The following ST6GAL1 variants were observed in gnomAD, a reference collection of about 807,000 sequenced individuals.
ST6GAL1 encodes the protein beta-galactoside alpha-2,6-sialyltransferase 1.
ST6GAL1 carries 20 observed loss-of-function variants against 38.0 expected under a neutral mutation model. The ratio of observed to expected loss-of-function variants is 0.53; its 90% CI spans 0.37 to 0.77. The LOEUF (loss-of-function observed/expected upper bound fraction) is 0.77, where lower values mean the gene tolerates loss of function less well. Among genes scored for constraint, ST6GAL1 ranks in the 30% least tolerant of loss-of-function variants. The pLI is 0.00. For synonymous variants in ST6GAL1, 196 were observed against 188.2 expected (o/e 1.04, Z -0.34); for missense variants, 432 against 496.4 (o/e 0.87, Z 1.23).
chr3:187,045,234 C>G (rs1378608742), intron 4 of ST6GAL1, among the ~76,000 whole-genome samples: 1 of 151,682 alleles, frequency 6.6e-6, no homozygotes, highest in Non-Finnish European at 1.5e-5. Flanking sequence ...TGACATTCAA[C>G]AGGGAAATAT....
intron 5 of ST6GAL1, among the ~76,000 whole-genome samples, chr3:187,065,827 A>C (rs138553619): frequency 6.6e-6 from 1 of 152,322 alleles, no homozygotes; most frequent in African/African-American, 2.4e-5. Context: ...ATACCATCTA[A>C]GGGTCTTACA....
At chr3:186,997,745 ACT>A (rs1354795285) in intron 2 of ST6GAL1, among the ~76,000 whole-genome samples, 1 of 140,652 alleles carries the variant, frequency 7.1e-6, no homozygotes, top group Non-Finnish European at 1.5e-5. Flanking sequence ...ACAGAGTGAG[ACT>A]CTGTCTCAAA....
At chr3:187,048,769 C>T (rs1428750032) in intron 4 of ST6GAL1, among the ~76,000 whole-genome samples, 1 of 151,902 alleles carries the variant, frequency 6.6e-6, no homozygotes, top group African/African-American at 2.4e-5. Flanking sequence ...TTCTTATGGT[C>T]AACATCAAGC....
intron 5 of ST6GAL1, among the ~76,000 whole-genome samples, chr3:187,069,337 G>A (rs1315805098): frequency 4.6e-5 from 7 of 152,178 alleles, no homozygotes; most frequent in Non-Finnish European, 8.8e-5. Context: ...GTTTCGCCAT[G>A]TTGGCCAGGC....
At chr3:187,072,732 G>T in intron 5 of ST6GAL1, 117 bp from the exon 6 acceptor site, 4 of 865,640 alleles carry the variant, frequency 4.6e-6, no homozygotes, top group Non-Finnish European at 7.9e-6. Context: ...CCAGAACTTA[G>T]AAGCCTCATG....
intron 1 of ST6GAL1, among the ~76,000 whole-genome samples, chr3:186,959,831 A>G (rs1714875105): frequency 6.6e-6 from 1 of 152,210 alleles, no homozygotes; most frequent in African/African-American, 2.4e-5. Flanking sequence ...TCCATATTCA[A>G]ACATAATCAA....
intron 2 of ST6GAL1, among the ~76,000 whole-genome samples, chr3:186,981,761 A>C (rs993623403): frequency 6.6e-6 from 1 of 152,166 alleles, no homozygotes; most frequent in Non-Finnish European, 1.5e-5. Flanking sequence ...CCTATTTCCA[A>C]CCTCAGCTTT....
intron 3 of ST6GAL1, among the ~76,000 whole-genome samples, chr3:187,042,332 G>T (rs1718152863): frequency 6.6e-6 from 1 of 151,988 alleles, no homozygotes; most frequent in South Asian, 2.1e-4. Flanking sequence ...CAGTCAGAGA[G>T]GTAGACCAAG....
chr3:187,003,054 A>G lies in ST6GAL1; in HGVS notation c.-182-35688A>G, dbSNP rs544406350. ...CCAGGAGCAGCAATGGTGCAGTTCC[A>G]GTCTGAGTCCAAAGGCCTGAGAACC... On this transcript the variant is annotated intron_variant, in intron 2 of 7. Transcript: ENST00000169298. Among the ~76,000 whole-genome samples the G allele has an allele frequency of 1.1e-4, 16 of 152,348 alleles. No homozygotes were observed. In the South Asian group the frequency reaches 2.9e-3, roughly 28 times the overall value.
chr3:187,062,762 A>T (rs1718966089), intron 5 of ST6GAL1, among the ~76,000 whole-genome samples: 3 of 152,218 alleles, frequency 2.0e-5, no homozygotes. Context: ...TGTACTTAAT[A>T]TCACTGAACT....
At position 187,052,356 on chromosome 3, in the gene ST6GAL1, G is replaced by A. The variant is rs76121853; in HGVS notation, c.705+1010G>A. On this transcript the variant is annotated intron_variant, in intron 5 of 7. Coordinates refer to ENST00000169298, the MANE Select transcript of ST6GAL1 (RefSeq NM_173216.2). ...GTACATGTGCACAATGTGCAGATTTGTTACATAGATATACATGTGCCATGT... is the reference window on the plus strand; with the variant it reads ...GTACATGTGCACAATGTGCAGATTTATTACATAGATATACATGTGCCATGT... Among the ~76,000 whole-genome samples, 758 of 152,234 alleles carry A rather than the reference G, an allele frequency of 5.0e-3. 8 individuals are homozygous for A. The East Asian group carries it at 0.061, about 12-fold the overall frequency.
intron 1 of ST6GAL1, among the ~76,000 whole-genome samples, chr3:186,940,690 CA>C (rs1714136156): frequency 6.6e-6 from 1 of 151,888 alleles, no homozygotes; most frequent in Admixed American, 6.6e-5. Context: ...CCAGGGAAGC[CA>C]AAAGATCGGA....
At chr3:186,939,071 T>TC (rs1714069551) in intron 1 of ST6GAL1, among the ~76,000 whole-genome samples, 1 of 148,686 alleles carries the variant, frequency 6.7e-6, no homozygotes, top group South Asian at 2.1e-4. Context: ...CTGGGACCTT[T>TC]TTTTTTTTTT....
chr3:186,999,531 C>G (rs551460888), intron 2 of ST6GAL1, among the ~76,000 whole-genome samples: 4 of 152,090 alleles, frequency 2.6e-5, no homozygotes, highest in Non-Finnish European at 5.9e-5. Context: ...CCTGCCTCAG[C>G]CTCCCGAGTA....
At chr3:187,050,994 G>A (rs1174021246) in intron 4 of ST6GAL1, among the ~76,000 whole-genome samples, 1 of 152,208 alleles carries the variant, frequency 6.6e-6, no homozygotes, top group African/African-American at 2.4e-5. Flanking sequence ...ACAAGCGAAT[G>A]TCTTTGAATG....
At chr3:187,065,801 G>A (rs150216027) in intron 5 of ST6GAL1, among the ~76,000 whole-genome samples, 4 of 152,280 alleles carry the variant, frequency 2.6e-5, no homozygotes, top group East Asian at 3.9e-4. Flanking sequence ...GATGCCATTT[G>A]TTAAATATAT....
At chr3:187,066,410 G>C (rs559989852) in intron 5 of ST6GAL1, among the ~76,000 whole-genome samples, 25 of 152,148 alleles carry the variant, frequency 1.6e-4, no homozygotes, top group African/African-American at 6.0e-4. Context: ...CCCACCACAT[G>C]ACACATTTAA....
rs117988545 is a variant in ST6GAL1 at position 187,034,626 on chromosome 3, C to T, written c.-182-4116C>T. Among the ~76,000 whole-genome samples, 656 of 152,142 alleles carry T rather than the reference C, an allele frequency of 4.3e-3. 6 individuals are homozygous for T. The East Asian group carries it at 0.045, about 11-fold the overall frequency. On this transcript the variant is annotated intron_variant, in intron 2 of 7. Coordinates refer to ENST00000169298, the MANE Select transcript of ST6GAL1 (RefSeq NM_173216.2). ...CAGACACATTAATAAATGTGATTCA[C>T]CTCATAAACAGAATTAAAAACAAAA...
chr3:187,074,645 C>T (rs1027411560), intron 7 of ST6GAL1, among the ~76,000 whole-genome samples: 1 of 151,962 alleles, frequency 6.6e-6, no homozygotes, highest in African/African-American at 2.4e-5. Flanking sequence ...TTGCTTATAG[C>T]CTCATGGAGG....
Sources: allele counts gnomAD v4.1 joint callset (sites outside exome capture counted in the v4.1 genomes callset), GRCh38; gene constraint gnomAD v4.1.1; transcripts MANE v1.5; gene names NCBI Gene and HGNC (gene_info 2026-07-23, HGNC 2026-07-21).